PCDH11X: variants seen among roughly 807,000 people sequenced by gnomAD.
PCDH11X encodes the protein protocadherin 11 X-linked.
In PCDH11X, 18 loss-of-function variants were observed where a neutral mutation model predicts 53.3. That is an observed-to-expected ratio of 0.34 (90% CI 0.23 to 0.50). The LOEUF is 0.50. Ranked by LOEUF, PCDH11X falls within the 20% of genes least tolerant of loss-of-function variation. The probability of loss-of-function intolerance (pLI) is 0.98; values close to 1 mark genes in which losing one functional copy is unlikely to be tolerated. For missense variants in PCDH11X, 570 were observed against 1,032.4 expected, an observed-to-expected ratio of 0.55 and a Z score of 6.14; for synonymous variants, 279 against 393.3, an observed-to-expected ratio of 0.71 and a Z score of 3.44.
intron 8 of PCDH11X, among the ~76,000 whole-genome samples, chrX:92,367,282 T>A (rs779841800): frequency 8.9e-6 from 1 of 111,893 alleles, no homozygotes; most frequent in African/African-American, 3.2e-5. Flanking sequence ...TTTGTTGGTT[T>A]AAAGTCTGTT....
At chrX:92,393,579 T>A (rs2071179487) in intron 9 of PCDH11X, among the ~76,000 whole-genome samples, 1 of 111,087 alleles carries the variant, frequency 9.0e-6, no homozygotes, top group East Asian at 2.8e-4. Flanking sequence ...ATTTAAAAAT[T>A]TCCTTAATAT....
intron 10 of PCDH11X, among the ~76,000 whole-genome samples, chrX:92,605,195 A>C (rs1466281054): frequency 2.8e-4 from 31 of 109,985 alleles, no homozygotes; most frequent in Non-Finnish European, 1.1e-4. Flanking sequence ...ATTTGAAAAG[A>C]TTGAACTCAT....
chrX:92,392,470 C>A (rs2071151813), intron 9 of PCDH11X, among the ~76,000 whole-genome samples: 1 of 109,721 alleles, frequency 9.1e-6, no homozygotes, highest in Non-Finnish European at 1.9e-5. Flanking sequence ...TGATCTTCTA[C>A]CAGTAATCTA....
intron 6 of PCDH11X, among the ~76,000 whole-genome samples, chrX:92,122,635 A>G (rs1321902654): frequency 2.7e-5 from 3 of 111,962 alleles, no homozygotes; most frequent in Non-Finnish European, 5.6e-5. Flanking sequence ...TTTACATTTA[A>G]GAAAATCGTA....
At chrX:92,405,827 G>T (rs1340768856) in intron 9 of PCDH11X, among the ~76,000 whole-genome samples, 1 of 111,239 alleles carries the variant, frequency 9.0e-6, no homozygotes, top group East Asian at 2.9e-4. Flanking sequence ...GGGCGCAGTG[G>T]CTCACGCCTG....
intron 8 of PCDH11X, among the ~76,000 whole-genome samples, chrX:92,378,814 C>T (rs1411645080): frequency 8.9e-6 from 1 of 112,610 alleles, no homozygotes; most frequent in East Asian, 2.8e-4. Context: ...GACCTAAGCA[C>T]CTCCCAAAGG....
intron 6 of PCDH11X, among the ~76,000 whole-genome samples, chrX:92,039,304 G>A (rs747370770): frequency 2.1e-3 from 238 of 112,240 alleles, no homozygotes; most frequent in African/African-American, 7.3e-3. Flanking sequence ...CTTCAGGGCA[G>A]CAAGTTTTCC....
At chrX:91,824,700 T>C (rs2147595027) in intron 4 of PCDH11X, among the ~76,000 whole-genome samples, 1 of 107,422 alleles carries the variant, frequency 9.3e-6, no homozygotes, top group African/African-American at 3.7e-5. Flanking sequence ...CTGTTCAGCT[T>C]TGTTCCGTTG....
At chrX:92,257,360 C>T (rs892554288) in intron 7 of PCDH11X, among the ~76,000 whole-genome samples, 3 of 111,059 alleles carry the variant, frequency 2.7e-5, no homozygotes, top group Non-Finnish European at 5.7e-5. Context: ...CCATATCATT[C>T]TGCCCCTGGC....
chrX:92,258,186 G>A (rs1482697341), intron 7 of PCDH11X, among the ~76,000 whole-genome samples: 1 of 110,405 alleles, frequency 9.1e-6, no homozygotes, highest in Non-Finnish European at 1.9e-5. Context: ...TCAGGGAGCA[G>A]TCTCCTGAGG....
chrX:92,072,698 C>A (rs958656813), intron 6 of PCDH11X, among the ~76,000 whole-genome samples: 2 of 111,290 alleles, frequency 1.8e-5, no homozygotes, highest in African/African-American at 6.6e-5. Flanking sequence ...TCTTCATTCT[C>A]CTCTTGTTAA....
intron 4 of PCDH11X, among the ~76,000 whole-genome samples, chrX:91,821,961 T>C (rs1031241629): frequency 6.9e-5 from 7 of 101,499 alleles, no homozygotes; most frequent in Non-Finnish European, 9.5e-5. Flanking sequence ...GCTCTGTTTA[T>C]ATGCTGGATT....
At chrX:92,070,270 G>A (rs2063679008) in intron 6 of PCDH11X, among the ~76,000 whole-genome samples, 1 of 111,147 alleles carries the variant, frequency 9.0e-6, no homozygotes, top group African/African-American at 3.3e-5. Context: ...TTCCCCATGA[G>A]TTTTGTATCT....
At chrX:91,875,716 G>T (rs1179868438) in intron 5 of PCDH11X, among the ~76,000 whole-genome samples, 1 of 109,278 alleles carries the variant, frequency 9.2e-6, no homozygotes, top group Admixed American at 9.7e-5. Context: ...CATTGTGCTT[G>T]CATGTTAAAA....
At chrX:92,186,227 A>G (rs1349468169) in intron 6 of PCDH11X, among the ~76,000 whole-genome samples, 1 of 112,229 alleles carries the variant, frequency 8.9e-6, no homozygotes, top group Non-Finnish European at 1.9e-5. Context: ...AGCCTGGAGG[A>G]CATTATGTTA....
intron 10 of PCDH11X, among the ~76,000 whole-genome samples, chrX:92,611,112 GTT>G (rs112023877): frequency 4.0e-5 from 4 of 100,293 alleles, no homozygotes; most frequent in East Asian, 3.2e-4. Flanking sequence ...TTTTAGAACA[GTT>G]TTTTTTTTTT....
chrX:92,293,746 T>C (rs972856007), intron 8 of PCDH11X, among the ~76,000 whole-genome samples: 2 of 111,382 alleles, frequency 1.8e-5, no homozygotes, highest in Non-Finnish European at 3.8e-5. Context: ...TTTTCCCAAA[T>C]TGAATTGAAG....
At position 92,382,226 on chromosome X, in the gene PCDH11X, G is replaced by A. The variant is rs1212133466; in HGVS notation, c.3145-5509G>A. Among the ~76,000 whole-genome samples, 3 of 111,543 alleles carry A rather than the reference G, an allele frequency of 2.7e-5. No homozygotes were observed. In the East Asian group the frequency reaches 8.5e-4, roughly 32 times the overall value. ...TAAATCAAAAGCAAACTTGCATATG[G>A]TAATCCTTAGAAAGTAATGACCCTA... On this transcript the variant is annotated intron_variant, in intron 8 of 10. Coordinates refer to ENST00000682573, the MANE Select transcript of PCDH11X (RefSeq NM_032968.5).
chrX:92,142,370 G>GCACACACACACA (rs201418320), intron 6 of PCDH11X, among the ~76,000 whole-genome samples: 3 of 95,570 alleles, frequency 3.1e-5, no homozygotes, highest in African/African-American at 8.0e-5. Context: ...GTGCGCGCGC[G>GCACACACACACA]CACACACACA....
Sources: gnomAD v4.1 joint callset for allele counts (sites outside exome capture counted in the v4.1 genomes callset) on GRCh38, gnomAD v4.1.1 for gene constraint, MANE v1.5 for transcripts, NCBI Gene and HGNC (gene_info 2026-07-23, HGNC 2026-07-21) for gene names.